The following C6orf89 variants were observed in gnomAD, a reference collection of about 807,000 sequenced individuals.
The protein encoded by C6orf89 is bombesin receptor-activated protein C6orf89.
Under a neutral mutation model 40.7 loss-of-function variants are expected in C6orf89, and 29 were observed. The observed-to-expected ratio is 0.71, with a 90% confidence interval of 0.53 to 0.97. The LOEUF is 0.97. C6orf89 is among the 50% of genes least tolerant of loss of function. C6orf89 has a pLI of 0.00. For missense variants in C6orf89, 392 were observed against 429.1 expected (o/e 0.91, Z 0.76); for synonymous variants, 165 against 152.2 (o/e 1.08, Z -0.62).
intron 4 of C6orf89, among the ~76,000 whole-genome samples, chr6:36,911,438 C>G (rs374886802): frequency 1.3e-5 from 2 of 151,970 alleles, no homozygotes; most frequent in East Asian, 1.9e-4. Flanking sequence ...TGCAGTGAGC[C>G]GAGATCGCGC....
In C6orf89 at chr6:36,905,290, G is replaced by A. The variant is rs140438870; in HGVS notation, c.403+2856G>A. On this transcript the variant is annotated intron_variant, in intron 4 of 8. Transcript: ENST00000480824. ...CGGAGCCATGATTTGAACCCAGGCA[G>A]CCAGTCTTCAGAGTCTGAGCCCTTC... Among the ~76,000 whole-genome samples the A allele has an allele frequency of 5.8e-3, 888 of 152,272 alleles. 6 individuals carry two copies. The highest frequency in any genetic ancestry group is 0.01 in the Non-Finnish European group (706 of 68,028).
At chr6:36,896,735 G>T (rs1761443308) in intron 2 of C6orf89, among the ~76,000 whole-genome samples, 1 of 152,072 alleles carries the variant, frequency 6.6e-6, no homozygotes, top group South Asian at 2.1e-4. Flanking sequence ...CCGAATCCCA[G>T]AATCATGAAG....
rs138429486 is a variant in C6orf89 at position 36,891,781 on chromosome 6, T to G, written c.-119-2723T>G. On this transcript the variant is annotated intron_variant, in intron 1 of 8. Transcript: ENST00000480824. Reference sequence around the variant, plus strand: ...TAGCTCCTAGTGTTGAAGATTGGGATGTATCTTGATGGACTTTTGAAACTT... The same window carrying G: ...TAGCTCCTAGTGTTGAAGATTGGGAGGTATCTTGATGGACTTTTGAAACTT... Among the ~76,000 whole-genome samples the G allele has an allele frequency of 1.5e-3, 223 of 152,338 alleles. 2 individuals are homozygous for G. Among genetic ancestry groups the G allele is most frequent in the African/African-American group, 5.2e-3 (217 of 41,574 alleles).
chr6:36,917,276 T>G (rs920492305), intron 7 of C6orf89, among the ~76,000 whole-genome samples: 7 of 152,142 alleles, frequency 4.6e-5, no homozygotes, highest in Admixed American at 4.6e-4. Flanking sequence ...TGGGAAGGAT[T>G]TGATAGGCAG....
intron 2 of C6orf89, among the ~76,000 whole-genome samples, chr6:36,895,713 A>T (rs964061029): frequency 5.9e-5 from 9 of 152,236 alleles, no homozygotes; most frequent in African/African-American, 2.2e-4. Flanking sequence ...ATTTTGCATT[A>T]TATGGCTCTA....
intron 3 of C6orf89, among the ~76,000 whole-genome samples, chr6:36,901,936 G>T (rs1761736735): frequency 6.6e-6 from 1 of 152,208 alleles, no homozygotes; most frequent in South Asian, 2.1e-4. Context: ...CTCCCAAAGT[G>T]CTGGGATTAC....
chr6:36,915,118 C>G (rs189415950), intron 6 of C6orf89, among the ~76,000 whole-genome samples: 3 of 152,240 alleles, frequency 2.0e-5, no homozygotes, highest in Admixed American at 2.0e-4. Flanking sequence ...AAATCCAATG[C>G]TGGGATCCCA....
At chr6:36,876,744 A>T (rs1253187390) in intron 1 of C6orf89, among the ~76,000 whole-genome samples, 2 of 145,040 alleles carry the variant, frequency 1.4e-5, no homozygotes, top group Non-Finnish European at 3.0e-5. Context: ...AAAAAAAAGA[A>T]GAAGAAGAAG....
intron 2 of C6orf89, among the ~76,000 whole-genome samples, chr6:36,895,227 A>G (rs1761377813): frequency 1.3e-5 from 2 of 152,206 alleles, no homozygotes; most frequent in Admixed American, 1.3e-4. Flanking sequence ...GGGAAATATG[A>G]AAGTCACAAA....
intron 3 of C6orf89, among the ~76,000 whole-genome samples, chr6:36,899,957 G>A (rs9688402): frequency 0.041 from 6,254 of 151,750 alleles, 396 homozygotes; most frequent in African/African-American, 0.14. Context: ...GCGCAATCTC[G>A]GCTCACCGCA....
chr6:36,920,710 T>G (rs1561877778), intron 8 of C6orf89, among the ~76,000 whole-genome samples: 1 of 152,220 alleles, frequency 6.6e-6, no homozygotes, highest in East Asian at 1.9e-4. Flanking sequence ...TTGGGAAACT[T>G]CCTACAAAAA....
intron 4 of C6orf89, among the ~76,000 whole-genome samples, chr6:36,912,426 A>G (rs901615562): frequency 1.3e-5 from 2 of 152,224 alleles, no homozygotes; most frequent in African/African-American, 2.4e-5. Context: ...GAAATGCTAT[A>G]TAATTGTAAC....
chr6:36,896,510 T>C (rs1761434924), intron 2 of C6orf89, among the ~76,000 whole-genome samples: 1 of 152,216 alleles, frequency 6.6e-6, no homozygotes, highest in South Asian at 2.1e-4. Context: ...TGATGTATTC[T>C]ATATAGACCA....
intron 4 of C6orf89, among the ~76,000 whole-genome samples, chr6:36,902,778 G>A (rs1761773361): frequency 6.6e-6 from 1 of 152,150 alleles, no homozygotes; most frequent in Non-Finnish European, 1.5e-5. Context: ...TGTCCATAAT[G>A]CATATTTAAT....
chr6:36,899,965 G>A lies in C6orf89; in HGVS notation c.189+332G>A, dbSNP rs540011398. 5.3e-5 allele frequency among the ~76,000 whole-genome samples: 8 copies of A among 152,318 alleles called. No individual in the cohort carries two copies. The East Asian group carries it at 9.6e-4, about 18-fold the overall frequency. ...TGCAATGGCGCAATCTCGGCTCACC[G>A]CAACCTCTGCCTCCTGGGTTCAAGT... On this transcript the variant is annotated intron_variant, in intron 3 of 8. Coordinates refer to ENST00000480824, the MANE Select transcript of C6orf89 (RefSeq NM_001286635.2).
Position 36,923,440 on chromosome 6 carries a change from A to T in C6orf89, c.1043A>T (p.Ter348LeuextTer60), listed in dbSNP as rs1762582376. 1 of 1,611,588 alleles carries T rather than the reference A, an allele frequency of 6.2e-7. No homozygotes were observed. Residue 348 changes from the stop codon to leucine, a stop_lost, in exon 9 of 9, where the codon TAG (stop) becomes TTG (leucine). Coordinates refer to ENST00000480824, the MANE Select transcript of C6orf89 (RefSeq NM_001286635.2). ...GATGGAACCGCTTTCTCAGAACTGTAGGAAATAGAACTGTGCACAGGAACA... is the reference window on the plus strand; with the variant it reads ...GATGGAACCGCTTTCTCAGAACTGTTGGAAATAGAACTGTGCACAGGAACA... ...ICDGTAFSEL[*>L] is the part of the protein sequence containing the mutation.
At chr6:36,892,946 T>TC (rs1485492584) in intron 1 of C6orf89, 1 of 152,410 alleles carries the variant, frequency 6.6e-6, no homozygotes, top group Non-Finnish European at 1.5e-5. Flanking sequence ...AATTTTTTTT[T>TC]TTTTTTGAGA....
chr6:36,882,213 A>G (rs1774832915), upstream of C6orf89, among the ~76,000 whole-genome samples: 1 of 152,252 alleles, frequency 6.6e-6, no homozygotes, highest in African/African-American at 2.4e-5. Flanking sequence ...TGAATGACTT[A>G]TGGTAACCTA....
chr6:36,885,513 A>G (rs1774940461), upstream of C6orf89, among the ~76,000 whole-genome samples: 4 of 152,202 alleles, frequency 2.6e-5, no homozygotes, highest in Admixed American at 2.6e-4. Flanking sequence ...GCTCTCACTA[A>G]TGAGTGGGCT....
Sources: allele counts gnomAD v4.1 joint callset (sites outside exome capture counted in the v4.1 genomes callset), GRCh38; gene constraint gnomAD v4.1.1; transcripts MANE v1.5; gene names NCBI Gene and HGNC (gene_info 2026-07-23, HGNC 2026-07-21).